SRPK2: variants seen among roughly 807,000 people sequenced by gnomAD.
The protein encoded by SRPK2 is SFRS protein kinase 2.
SRPK2 carries 21 observed loss-of-function variants against 90.8 expected under a neutral mutation model. The observed-to-expected ratio is 0.23, with a 90% confidence interval of 0.16 to 0.33. The LOEUF (loss-of-function observed/expected upper bound fraction) is 0.33, where lower values mean the gene tolerates loss of function less well. Among genes scored for constraint, SRPK2 ranks in the 10% least tolerant of loss-of-function variants. The pLI is 1.00. For missense variants in SRPK2, 620 were observed against 869.0 expected (o/e 0.71, Z 3.60); for synonymous variants, 288 against 311.1 (o/e 0.93, Z 0.78).
At chr7:105,224,554 A>G (rs975861413) in intron 2 of SRPK2, among the ~76,000 whole-genome samples, 5 of 152,172 alleles carry the variant, frequency 3.3e-5, no homozygotes, top group African/African-American at 9.7e-5. Context: ...GGTGGCAATG[A>G]GCTGAGATCC....
At chr7:105,167,151 T>C (rs1790175531) in intron 6 of SRPK2, among the ~76,000 whole-genome samples, 1 of 152,126 alleles carries the variant, frequency 6.6e-6, no homozygotes, top group African/African-American at 2.4e-5. Flanking sequence ...CACACCAAAA[T>C]TAAGTCAAGT....
intron 2 of SRPK2, among the ~76,000 whole-genome samples, chr7:105,371,658 C>T (rs1819707788): frequency 1.3e-5 from 2 of 149,326 alleles, no homozygotes; most frequent in South Asian, 4.3e-4. Context: ...TACTTGGGGG[C>T]CTGAGGTGGG....
intron 2 of SRPK2, among the ~76,000 whole-genome samples, chr7:105,360,023 G>A (rs571493360): frequency 6.6e-6 from 1 of 152,246 alleles, no homozygotes; most frequent in South Asian, 2.1e-4. Flanking sequence ...AAGTCTCTTT[G>A]TAGGTCTCTA....
chr7:105,376,848 C>CCCCCCT (rs779458505), intron 2 of SRPK2, among the ~76,000 whole-genome samples: 1 of 99,024 alleles, frequency 1.0e-5, no homozygotes, highest in African/African-American at 3.8e-5. Flanking sequence ...CCCCACCCCC[C>CCCCCCT]TTTTTTTTTT....
intron 2 of SRPK2, among the ~76,000 whole-genome samples, chr7:105,375,772 T>C (rs1338008251): frequency 6.6e-6 from 1 of 152,100 alleles, no homozygotes; most frequent in Admixed American, 6.6e-5. Flanking sequence ...TTTTTTGGGT[T>C]TTCCAAAGGT....
intron 2 of SRPK2, among the ~76,000 whole-genome samples, chr7:105,376,710 G>A (rs975308167): frequency 1.3e-5 from 2 of 151,316 alleles, no homozygotes; most frequent in African/African-American, 4.9e-5. Flanking sequence ...GCTAATTTTT[G>A]TATTTTTAGT....
At chr7:105,176,983 A>AACTTAATGT (rs1792046559) in intron 3 of SRPK2, among the ~76,000 whole-genome samples, 1 of 152,156 alleles carries the variant, frequency 6.6e-6, no homozygotes, top group African/African-American at 2.4e-5. Flanking sequence ...AATGATTTTG[A>AACTTAATGT]TCACTTTTCT....
chr7:105,395,652 C>G (rs1358622785), intron 1 of SRPK2, among the ~76,000 whole-genome samples: 2 of 152,092 alleles, frequency 1.3e-5, no homozygotes, highest in Non-Finnish European at 2.9e-5. Context: ...ATTGCTTGAA[C>G]CTGGGAGACA....
intron 2 of SRPK2, among the ~76,000 whole-genome samples, chr7:105,377,103 C>T (rs1820399530): frequency 6.6e-6 from 1 of 152,114 alleles, no homozygotes; most frequent in South Asian, 2.1e-4. Context: ...GCTCATCTCA[C>T]TTGAATTTTA....
intron 2 of SRPK2, among the ~76,000 whole-genome samples, chr7:105,261,500 G>A (rs537023477): frequency 2.7e-5 from 4 of 150,906 alleles, no homozygotes; most frequent in South Asian, 2.1e-4. Context: ...CAGCCTGGGC[G>A]ACAGAGCAAG....
intron 13 of SRPK2, 45 bp from the exon 14 acceptor site, chr7:105,127,107 C>T: frequency 6.3e-7 from 1 of 1,587,518 alleles, no homozygotes; most frequent in Non-Finnish European, 8.6e-7. Context: ...GAGACTGGCC[C>T]CCAAGTCAAC....
rs959812571 is a variant in SRPK2 at position 105,162,120 on chromosome 7, C to G, written c.515-1507G>C. Among the ~76,000 whole-genome samples, 3 of 152,192 alleles carry G rather than the reference C, an allele frequency of 2.0e-5. No homozygotes were observed. The East Asian group carries it at 5.8e-4, about 29-fold the overall frequency. ...GCAGTGGCACGATCTCAGCTCACTG[C>G]AACCTCCACCTCCTGGGTTCAAGCG... On this transcript the variant is annotated intron_variant, in intron 6 of 15. Transcript: ENST00000393651.
intron 2 of SRPK2, among the ~76,000 whole-genome samples, chr7:105,293,008 C>T (rs1305897848): frequency 3.3e-5 from 5 of 151,810 alleles, no homozygotes; most frequent in African/African-American, 9.7e-5. Flanking sequence ...CTTGGCCAGG[C>T]GTGGTGGCTC....
chr7:105,269,728 A>G (rs545722913), intron 2 of SRPK2, among the ~76,000 whole-genome samples: 49 of 152,358 alleles, frequency 3.2e-4, no homozygotes, highest in African/African-American at 1.2e-3. Context: ...GAGACAATCT[A>G]ACACGTTTCC....
At chr7:105,175,039 GGAT>G (rs929054534) in intron 3 of SRPK2, among the ~76,000 whole-genome samples, 5 of 152,034 alleles carry the variant, frequency 3.3e-5, no homozygotes, top group African/African-American at 1.2e-4. Flanking sequence ...CAGCTATTTG[GGAT>G]GATGAGGCAG....
At chr7:105,381,121 G>A (rs1313427814) in intron 2 of SRPK2, among the ~76,000 whole-genome samples, 2 of 152,008 alleles carry the variant, frequency 1.3e-5, no homozygotes, top group Admixed American at 1.3e-4. Flanking sequence ...GCGCATGCCT[G>A]TAATCCCAGC....
At chr7:105,232,980 A>G (rs1301448083) in intron 2 of SRPK2, among the ~76,000 whole-genome samples, 1 of 151,906 alleles carries the variant, frequency 6.6e-6, no homozygotes, top group Non-Finnish European at 1.5e-5. Flanking sequence ...AGATAACGCC[A>G]CTGCACTCCA....
At chr7:105,137,467 T>C (rs1430883188) in intron 11 of SRPK2, among the ~76,000 whole-genome samples, 1 of 139,016 alleles carries the variant, frequency 7.2e-6, no homozygotes, top group Non-Finnish European at 1.5e-5. Flanking sequence ...GCTCAAGTGA[T>C]AGGAGCACGG....
intron 3 of SRPK2, among the ~76,000 whole-genome samples, chr7:105,190,042 G>A (rs755682989): frequency 1.4e-4 from 22 of 152,258 alleles, no homozygotes; most frequent in African/African-American, 4.6e-4. Flanking sequence ...GTGGCAGAAC[G>A]CCACAGCATT....
Sources: gnomAD v4.1 joint callset for allele counts (sites outside exome capture counted in the v4.1 genomes callset) on GRCh38, gnomAD v4.1.1 for gene constraint, MANE v1.5 for transcripts, NCBI Gene and HGNC (gene_info 2026-07-23, HGNC 2026-07-21) for gene names.